Variants in MAPRE2 observed in about 807,000 individuals in gnomAD.
MAPRE2 encodes microtubule associated protein RP/EB family member 2, also known as microtubule-associated protein RP/EB family member 2.
In MAPRE2, 13 loss-of-function variants were observed where a neutral mutation model predicts 43.2. The observed-to-expected ratio is 0.30, with a 90% CI of 0.20 to 0.48. The LOEUF (loss-of-function observed/expected upper bound fraction) is 0.48, where lower values mean the gene tolerates loss of function less well. Among genes scored for constraint, MAPRE2 ranks in the 20% least tolerant of loss-of-function variants. The probability of loss-of-function intolerance (pLI) is 0.99; values close to 1 mark genes in which losing one functional copy is unlikely to be tolerated. For missense variants in MAPRE2, 161 were observed against 400.2 expected (o/e 0.40, Z 5.10); for synonymous variants, 135 against 148.8 (o/e 0.91, Z 0.68).
At chr18:35,064,000 TAAAAAAAAA>T (rs575347953) in intron 1 of MAPRE2, among the ~76,000 whole-genome samples, 28 of 33,970 alleles carry the variant, frequency 8.2e-4, no homozygotes, top group South Asian at 1.8e-3. Context: ...CCTGTCTCTT[TAAAAAAAAA>T]AAAAAAAAAA....
At chr18:34,995,345 A>C (rs1438698236) in intron 1 of MAPRE2, among the ~76,000 whole-genome samples, 2 of 152,294 alleles carry the variant, frequency 1.3e-5, no homozygotes, top group East Asian at 3.9e-4. Context: ...CCTATCTCTC[A>C]AGCACACTGG....
chr18:35,127,984 G>T (rs994594890), intron 5 of MAPRE2, among the ~76,000 whole-genome samples: 19 of 152,190 alleles, frequency 1.2e-4, no homozygotes, highest in Non-Finnish European at 2.8e-4. Flanking sequence ...GCTATGAGAG[G>T]AGCCTTTACT....
intron 2 of MAPRE2, among the ~76,000 whole-genome samples, chr18:35,072,430 A>C (rs1014709380): frequency 2.0e-5 from 3 of 152,248 alleles, no homozygotes; most frequent in African/African-American, 7.2e-5. Flanking sequence ...ATCAAGAAAA[A>C]GAGACATAGG....
At chr18:35,088,952 T>C (rs992895789) in intron 2 of MAPRE2, among the ~76,000 whole-genome samples, 46 of 152,246 alleles carry the variant, frequency 3.0e-4, no homozygotes, top group African/African-American at 9.9e-4. Context: ...CAGAGACCAT[T>C]TGAAGTTTTA....
chr18:35,114,864 C>A (rs573230083), intron 4 of MAPRE2, among the ~76,000 whole-genome samples: 2 of 152,272 alleles, frequency 1.3e-5, no homozygotes, highest in South Asian at 4.1e-4. Flanking sequence ...TGGATCATTC[C>A]TTTTCTCTCC....
chr18:35,031,915 AT>A (rs1336957874), intron 2 of MAPRE2, among the ~76,000 whole-genome samples: 8 of 152,148 alleles, frequency 5.3e-5, no homozygotes, highest in African/African-American at 1.9e-4. Context: ...GCCAGGAGGT[AT>A]TTGCATGTCA....
At chr18:35,095,204 TAAGC>T (rs1402772586) in intron 2 of MAPRE2, among the ~76,000 whole-genome samples, 1 of 152,250 alleles carries the variant, frequency 6.6e-6, no homozygotes, top group African/African-American at 2.4e-5. Flanking sequence ...AGAAAGTTGA[TAAGC>T]AAGATATAAA....
intron 2 of MAPRE2, among the ~76,000 whole-genome samples, chr18:35,011,391 A>G (rs2097034569): frequency 6.6e-6 from 1 of 152,240 alleles, no homozygotes; most frequent in Non-Finnish European, 1.5e-5. Flanking sequence ...TAAGAGAAGC[A>G]TTTGGCATAT....
intron 1 of MAPRE2, among the ~76,000 whole-genome samples, chr18:35,000,277 C>G (rs2097028658): frequency 6.6e-6 from 1 of 152,156 alleles, no homozygotes; most frequent in Non-Finnish European, 1.5e-5. Context: ...AATGCTGTCT[C>G]TTTGTGAGGA....
intron 5 of MAPRE2, among the ~76,000 whole-genome samples, chr18:35,130,352 A>G (rs1332851031): frequency 1.3e-5 from 2 of 152,190 alleles, no homozygotes; most frequent in African/African-American, 4.8e-5. Flanking sequence ...TGTGCAAGCT[A>G]TAGTATTAAT....
intron 2 of MAPRE2, among the ~76,000 whole-genome samples, chr18:35,095,361 A>AATAT (rs200528666): frequency 1.0e-5 from 1 of 95,888 alleles, no homozygotes; most frequent in Non-Finnish European, 2.3e-5. Flanking sequence ...TTTTTAAGAA[A>AATAT]ATACACACAC....
At chr18:34,992,241 C>CAGTAAT in intron 1 of MAPRE2, among the ~76,000 whole-genome samples, 1 of 152,242 alleles carries the variant, frequency 6.6e-6, no homozygotes, top group South Asian at 2.1e-4. Flanking sequence ...AAAGTGGAGA[C>CAGTAAT]AGCAATAGCT....
At chr18:35,063,614 C>T (rs912364584) in intron 1 of MAPRE2, among the ~76,000 whole-genome samples, 1 of 152,132 alleles carries the variant, frequency 6.6e-6, no homozygotes, top group Non-Finnish European at 1.5e-5. Flanking sequence ...AGATAGCAGT[C>T]AACCACTTAT....
At chr18:35,047,883 A>G (rs1458865929) in intron 1 of MAPRE2, among the ~76,000 whole-genome samples, 2 of 152,184 alleles carry the variant, frequency 1.3e-5, no homozygotes, top group Non-Finnish European at 2.9e-5. Context: ...GCTTTGAGTG[A>G]TGGTGTCCTC....
chr18:35,076,313 A>C (rs532556133), intron 2 of MAPRE2, among the ~76,000 whole-genome samples: 2 of 152,324 alleles, frequency 1.3e-5, no homozygotes, highest in Admixed American at 1.3e-4. Flanking sequence ...ACCAGAGACC[A>C]CACTGTGGTA....
intron 6 of MAPRE2, among the ~76,000 whole-genome samples, chr18:35,133,092 T>A (rs1467525195): frequency 6.6e-6 from 1 of 152,164 alleles, no homozygotes; most frequent in African/African-American, 2.4e-5. Flanking sequence ...TGGAGTTGTA[T>A]GTGTTGATAT....
At chr18:35,041,197 T>C (rs1905334735), upstream of MAPRE2, among the ~76,000 whole-genome samples, 1 of 152,208 alleles carries the variant, frequency 6.6e-6, no homozygotes, top group Non-Finnish European at 1.5e-5. Flanking sequence ...CAGGGTGGCC[T>C]GGGGTTTTAC....
At chr18:35,018,357 T>A (rs2097039756) in intron 2 of MAPRE2, among the ~76,000 whole-genome samples, 1 of 152,052 alleles carries the variant, frequency 6.6e-6, no homozygotes, top group Non-Finnish European at 1.5e-5. Flanking sequence ...CCTCGATTTT[T>A]AAAAATACTT....
chr18:35,007,083 G>A (rs182983584), intron 2 of MAPRE2, among the ~76,000 whole-genome samples: 25 of 152,318 alleles, frequency 1.6e-4, no homozygotes, highest in African/African-American at 6.0e-4. Flanking sequence ...AGGTACCTGA[G>A]GGCATTAGAA....
Sources: gnomAD v4.1 joint callset for allele counts (sites outside exome capture counted in the v4.1 genomes callset) on GRCh38, gnomAD v4.1.1 for gene constraint, MANE v1.5 for transcripts, NCBI Gene and HGNC (gene_info 2026-07-23, HGNC 2026-07-21) for gene names.